SYNE1: variants seen among roughly 807,000 people sequenced by gnomAD.
The protein encoded by SYNE1 is spectrin repeat containing nuclear envelope protein 1.
In SYNE1, 616 loss-of-function variants were observed where a neutral mutation model predicts 1,111.0. The observed-to-expected ratio is 0.55, with a 90% CI of 0.52 to 0.59. The LOEUF (loss-of-function observed/expected upper bound fraction) is 0.59, where lower values mean the gene tolerates loss of function less well. Among genes scored for constraint, SYNE1 ranks in the 20% least tolerant of loss-of-function variants. SYNE1 has a pLI of 0.00. For synonymous variants in SYNE1, 3,855 were observed against 3,825.8 expected, an observed-to-expected ratio of 1.01 and a Z score of -0.28; for missense variants, 10,006 against 10,417.0, an observed-to-expected ratio of 0.96 and a Z score of 1.72.
chr6:152,228,421 G>C (rs1481493146), intron 115 of SYNE1, among the ~76,000 whole-genome samples: 1 of 151,710 alleles, frequency 6.6e-6, no homozygotes, highest in Non-Finnish European at 1.5e-5. Flanking sequence ...TCAAGCTGCT[G>C]CTATATTTTC....
intron 100 of SYNE1, among the ~76,000 whole-genome samples, chr6:152,266,184 T>C (rs1024478154): frequency 2.6e-5 from 4 of 152,130 alleles, no homozygotes; most frequent in African/African-American, 9.7e-5. Flanking sequence ...TTTTAAAATA[T>C]TTTTTATATT....
intron 8 of SYNE1, among the ~76,000 whole-genome samples, chr6:152,508,871 G>T (rs2099071107): frequency 6.6e-6 from 1 of 152,184 alleles, no homozygotes; most frequent in South Asian, 2.1e-4. Context: ...CACTTTAAAA[G>T]TTAAACAAAA....
At chr6:152,194,342 G>A (rs544182252) in intron 127 of SYNE1, among the ~76,000 whole-genome samples, 4 of 152,198 alleles carry the variant, frequency 2.6e-5, no homozygotes, top group South Asian at 2.1e-4. Context: ...TCTCCTGTTC[G>A]GTAAGGTTTC....
intron 74 of SYNE1, among the ~76,000 whole-genome samples, chr6:152,343,304 G>A (rs567096482): frequency 4.6e-5 from 7 of 150,810 alleles, no homozygotes; most frequent in South Asian, 2.1e-4. Context: ...GATTACAGGC[G>A]CCTGCCACCA....
chr6:152,323,541 G>A lies in SYNE1; in HGVS notation c.15854C>T (p.Pro5285Leu), dbSNP rs961014093. ...GAGCGGAGGCTCTTCCCCAGGGGTT[G>A]GGGCGGCTCCATCCTGGAGCATGCT... ...TLSMLQDGAA[P>L]TPGEEPPLMQ... Residue 5285 changes from proline to leucine, a missense_variant, in exon 82 of 146, where the codon CCA becomes CTA. Physicochemically the swap from Pro to Leu is moderately conservative, Grantham distance 98. This residue lies in a region of SYNE1 where 4,955 missense variants were observed against 5,017.2 expected (regional missense o/e 0.99). Transcript: ENST00000367255. 1 of 1,614,236 alleles carries A rather than the reference G, an allele frequency of 6.2e-7. No homozygotes were observed. Among genetic ancestry groups the A allele is most frequent in the Non-Finnish European group, 8.5e-7 (1 of 1,180,052 alleles).
In SYNE1 at chr6:152,155,174, C is replaced by T. The variant is rs141055930; in HGVS notation, c.23979-132G>A. The stretch of plus-strand genomic sequence containing the variant: ...GTTGTGCCAAACGATAACCATTCCT[C>T]GAGCCAAATTTGACCAGAGAGCAAG... On this transcript the variant is annotated intron_variant, in intron 132 of 145. Transcript: ENST00000367255. The T allele has an allele frequency of 6.3e-5, 68 of 1,085,258 alleles. 1 individual carries two copies. The highest frequency in any genetic ancestry group is 4.2e-4 in the East Asian group (17 of 40,850). 67.2% of individuals were successfully genotyped at this position (1,085,258 alleles called of 1,614,324 possible).
intron 11 of SYNE1, among the ~76,000 whole-genome samples, chr6:152,491,028 G>A (rs897828563): frequency 2.6e-4 from 39 of 152,186 alleles, no homozygotes; most frequent in Non-Finnish European, 2.2e-4. Context: ...CGTGGGTCAC[G>A]GACTTGGGAA....
chr6:152,379,795 C>A (rs2097367168), intron 56 of SYNE1, among the ~76,000 whole-genome samples: 2 of 152,066 alleles, frequency 1.3e-5, no homozygotes, highest in South Asian at 4.2e-4. Context: ...TTATAGGCCT[C>A]AACCATTATT....
intron 100 of SYNE1, among the ~76,000 whole-genome samples, chr6:152,264,468 G>A (rs2092465027): frequency 6.6e-6 from 1 of 152,018 alleles, no homozygotes; most frequent in African/African-American, 2.4e-5. Context: ...ACACAACAGT[G>A]TCTTTAGATA....
At chr6:152,376,589 G>C (rs1308412704) in intron 57 of SYNE1, 31 bp from the exon 58 acceptor site, 2 of 1,611,118 alleles carry the variant, frequency 1.2e-6, no homozygotes, top group Non-Finnish European at 1.7e-6. Context: ...TTTAATGGCA[G>C]GAAAAAGCGA....
intron 8 of SYNE1, among the ~76,000 whole-genome samples, chr6:152,509,725 A>T (rs971111423): frequency 6.6e-6 from 1 of 152,154 alleles, no homozygotes; most frequent in South Asian, 2.1e-4. Flanking sequence ...GAAAAAATTT[A>T]AAAACTAAAA....
intron 4 of SYNE1, among the ~76,000 whole-genome samples, chr6:152,535,751 T>C (rs1156436194): frequency 6.6e-6 from 1 of 152,146 alleles, no homozygotes; most frequent in Non-Finnish European, 1.5e-5. Flanking sequence ...ACATCTAACT[T>C]TTTACAAAGG....
At chr6:152,486,898 A>T (rs2098944049) in intron 12 of SYNE1, among the ~76,000 whole-genome samples, 1 of 152,222 alleles carries the variant, frequency 6.6e-6, no homozygotes, top group African/African-American at 2.4e-5. Flanking sequence ...TGTAGCAGAA[A>T]TGACTGAAAT....
At position 152,344,112 on chromosome 6, in the gene SYNE1, G is replaced by C; in HGVS notation, c.12194C>G (p.Pro4065Arg). Residue 4065 changes from proline (P) to arginine (R), a missense_variant, in exon 74 of 146, where the codon CCA (proline) becomes CGA (arginine). Pro to Arg is a moderately radical substitution (Grantham distance 103). Coordinates refer to ENST00000367255, the MANE Select transcript of SYNE1 (RefSeq NM_182961.4). ...AATGGCTTCTGCCCTACTAAGAGGT[G>C]GTTGAGGACTTGGCTCTAAATCCGG... Reference protein sequence around the residue: ...VQPDLEPSPQPPLSRAEAIKQ... With the variant: ...VQPDLEPSPQRPLSRAEAIKQ... 2.5e-6 allele frequency: 4 copies of C among 1,614,208 alleles called. No homozygotes were observed. The highest frequency in any genetic ancestry group is 1.1e-5 in the South Asian group (1 of 91,088).
chr6:152,231,846 A>T (rs914921127), intron 113 of SYNE1, among the ~76,000 whole-genome samples: 2 of 152,026 alleles, frequency 1.3e-5, no homozygotes, highest in Non-Finnish European at 2.9e-5. Flanking sequence ...GATAAATTAT[A>T]TAACCTCACT....
chr6:152,424,532 C>T (rs1399249984), intron 39 of SYNE1, among the ~76,000 whole-genome samples: 2 of 152,166 alleles, frequency 1.3e-5, no homozygotes, highest in South Asian at 2.1e-4. Context: ...GTGTTCACCC[C>T]TCATTATTCC....
chr6:152,389,162 T>C (rs1408069736), intron 53 of SYNE1, among the ~76,000 whole-genome samples: 3 of 152,226 alleles, frequency 2.0e-5, no homozygotes, highest in Non-Finnish European at 4.4e-5. Context: ...AGTGTTATTT[T>C]TGTTTTGCTT....
rs554426263 is a variant in SYNE1, at chr6:152,628,162, G to A, written c.67+103C>T. The A allele has an allele frequency of 4.0e-6, 5 of 1,264,192 alleles. No individual in the cohort carries two copies. In the African/African-American group the frequency reaches 7.3e-5, roughly 19 times the overall value. The allele number at this position is 1,264,192 out of a possible 1,614,324, so 78.3% of individuals were successfully genotyped here. ...AATAAAGACATCCATCCCATTCTGG[G>A]CTATAATTCCATGAAATTGAGTAAA... is the stretch of plus-strand genomic sequence containing the variant. On this transcript the variant is annotated intron_variant, in intron 3 of 145. Transcript: ENST00000367255.
intron 11 of SYNE1, 55 bp downstream of exon 11, chr6:152,498,687 A>G (rs544601549): frequency 1.5e-4 from 191 of 1,248,292 alleles, no homozygotes; most frequent in Non-Finnish European, 2.0e-4. Context: ...CTAAAATGCT[A>G]CAGAATGCAG....
Sources: allele counts gnomAD v4.1 joint callset (sites outside exome capture counted in the v4.1 genomes callset), GRCh38; gene constraint gnomAD v4.1.1; regional missense constraint gnomAD v4.1.1; transcripts MANE v1.5; gene names NCBI Gene and HGNC (gene_info 2026-07-23, HGNC 2026-07-21).